Variants in KDM5A observed in about 807,000 individuals in gnomAD.
The protein encoded by KDM5A is lysine-specific demethylase 5A.
Under a neutral mutation model 193.5 loss-of-function variants are expected in KDM5A, and 42 were observed. The observed-to-expected ratio is 0.22, with a 90% CI of 0.17 to 0.28. The LOEUF is 0.28. Ranked by LOEUF, KDM5A falls within the 10% of genes least tolerant of loss-of-function variation. KDM5A has a pLI of 1.00. For synonymous variants in KDM5A, 796 were observed against 718.1 expected (o/e 1.11, Z -1.73); for missense variants, 1,692 against 2,055.1 (o/e 0.82, Z 3.42).
rs1354458329 is a variant in KDM5A, at chr12:284,874, A to C, written c.*582T>G. On this transcript the variant is annotated 3_prime_UTR_variant, in exon 28 of 28. Transcript: ENST00000399788. ...CTATTTGGGATGTTCTTCTAGCACA[A>C]ACAAGCACAAATCGCTGAGGTCAAT... The C allele has an allele frequency of 4.2e-6, 1 of 235,964 alleles. No individual in the cohort carries two copies. Among genetic ancestry groups the C allele is most frequent in the East Asian group, 6.0e-5 (1 of 16,652 alleles). The allele number at this position is 235,964 out of a possible 1,614,324, so 14.6% of individuals were successfully genotyped here.
chr12:367,466 C>T (rs996815000), intron 3 of KDM5A, among the ~76,000 whole-genome samples: 1 of 152,038 alleles, frequency 6.6e-6, no homozygotes, highest in East Asian at 1.9e-4. Flanking sequence ...GGAGGCAGAG[C>T]TGGGCAAATA....
chr12:298,938 A>G (rs111454322), intron 24 of KDM5A, among the ~76,000 whole-genome samples: 162 of 151,992 alleles, frequency 1.1e-3, no homozygotes, highest in African/African-American at 3.7e-3. Flanking sequence ...ATCAAGCAGA[A>G]GAAAGGATAT....
chr12:375,684 C>T (rs1470407178), intron 3 of KDM5A, among the ~76,000 whole-genome samples: 2 of 152,208 alleles, frequency 1.3e-5, no homozygotes, highest in Non-Finnish European at 2.9e-5. Flanking sequence ...AGTTTTTCTG[C>T]TCTGCTTTTT....
At chr12:292,239 T>G (rs954596012) in intron 27 of KDM5A, among the ~76,000 whole-genome samples, 1 of 152,206 alleles carries the variant, frequency 6.6e-6, no homozygotes, top group Non-Finnish European at 1.5e-5. Context: ...GAATTATTTG[T>G]TGCAAAAGAT....
At chr12:341,334 C>G (rs370285206) in intron 10 of KDM5A, among the ~76,000 whole-genome samples, 2 of 152,136 alleles carry the variant, frequency 1.3e-5, no homozygotes, top group East Asian at 3.9e-4. Context: ...TTGAACTGTT[C>G]CTATAAAAAC....
At chr12:331,745 A>C in intron 13 of KDM5A, 74 bp downstream of exon 13, 1 of 1,571,332 alleles carries the variant, frequency 6.4e-7, no homozygotes, top group South Asian at 1.1e-5. Context: ...AGCTAAGCAA[A>C]TATGGCAACT....
In KDM5A at chr12:280,299, A is replaced by G. The variant is rs996733617; in HGVS notation, c.*5157T>C. 4.3e-6 allele frequency: 1 copy of G among 233,082 alleles called. No individual in the cohort carries two copies. 14.4% of individuals were successfully genotyped at this position (233,082 alleles called of 1,614,324 possible). On this transcript the variant is annotated 3_prime_UTR_variant, in exon 28 of 28. Transcript: ENST00000399788. ...TCTGGATCTTCCATTTATTGGTATCAACCACAATAGCAAGACCCCCAAGAA... is the reference window on the plus strand; with the variant it reads ...TCTGGATCTTCCATTTATTGGTATCGACCACAATAGCAAGACCCCCAAGAA...
At chr12:374,379 A>C (rs914036959) in intron 3 of KDM5A, among the ~76,000 whole-genome samples, 8 of 152,128 alleles carry the variant, frequency 5.3e-5, no homozygotes, top group African/African-American at 1.9e-4. Context: ...CTGTTTTATC[A>C]GAGACTAGGA....
chr12:353,997 G>C, intron 8 of KDM5A, 79 bp downstream of exon 8: 1 of 1,039,142 alleles, frequency 9.6e-7, no homozygotes, highest in Middle Eastern at 2.1e-4. Flanking sequence ...ACATATTTGG[G>C]AATATGTTTA....
At chr12:385,678 GC>G (rs1944630419) in intron 2 of KDM5A, among the ~76,000 whole-genome samples, 1 of 152,186 alleles carries the variant, frequency 6.6e-6, no homozygotes, top group Non-Finnish European at 1.5e-5. Flanking sequence ...AGTCTCTGAA[GC>G]TAAGCATTGA....
intron 3 of KDM5A, among the ~76,000 whole-genome samples, chr12:370,055 T>C (rs1944406183): frequency 6.6e-6 from 1 of 152,188 alleles, no homozygotes; most frequent in African/African-American, 2.4e-5. Context: ...TAATACCTGT[T>C]TTTCTTTGGC....
rs1944353729 is a variant in KDM5A at position 366,050 on chromosome 12, T to C, written c.421A>G (p.Lys141Glu). Residue 141 changes from lysine to glutamate, a missense_variant, in exon 4 of 28, where the codon AAA becomes GAA. Around this residue, in one of 11 missense-constraint regions of KDM5A, gnomAD observed 120 missense variants for 172.0 expected, o/e 0.70. Coordinates refer to ENST00000399788, the MANE Select transcript of KDM5A (RefSeq NM_001042603.3). ...EMVTKEKKWS[K>E]VGSRLGYLPG... Reference sequence around the variant, plus strand: ...AGATATCCCAAGCGACTACCCACTTTAGACCATTTCTTCTCTTTGGTGACC... The same window carrying C: ...AGATATCCCAAGCGACTACCCACTTCAGACCATTTCTTCTCTTTGGTGACC... The C allele has an allele frequency of 3.1e-6, 5 of 1,613,978 alleles. No homozygotes were observed. The highest frequency in any genetic ancestry group is 3.4e-6 in the Non-Finnish European group (4 of 1,179,924).
At chr12:371,196 T>C (rs1279884821) in intron 3 of KDM5A, among the ~76,000 whole-genome samples, 4 of 152,342 alleles carry the variant, frequency 2.6e-5, no homozygotes, top group Non-Finnish European at 4.4e-5. Context: ...ACCACACTGT[T>C]TTCCACAATG....
Position 281,937 on chromosome 12 carries a change from G to A in KDM5A, c.*3519C>T, listed in dbSNP as rs551319923. The A allele has an allele frequency of 5.1e-4, 145 of 283,838 alleles. No homozygotes were observed. The highest frequency in any genetic ancestry group is 8.7e-4 in the Non-Finnish European group (125 of 144,102). 17.6% of individuals were successfully genotyped at this position (283,838 alleles called of 1,614,324 possible). A position where few individuals can be genotyped will look rare whatever the true frequency, so the allele number is the denominator to read the frequency against. ...TGTGGGCACCTGCTAGCACAGAAGC[G>A]CAGAAGCAAAGCCCAGGCAGAACCA... On this transcript the variant is annotated 3_prime_UTR_variant, in exon 28 of 28. Coordinates refer to ENST00000399788, the MANE Select transcript of KDM5A (RefSeq NM_001042603.3).
intron 10 of KDM5A, among the ~76,000 whole-genome samples, chr12:348,662 T>G (rs146957402): frequency 6.6e-6 from 1 of 151,048 alleles, no homozygotes; most frequent in Non-Finnish European, 1.5e-5. Context: ...ATCACAGGGA[T>G]AGAAAACCAA....
chr12:375,154 A>T (rs927759442), intron 3 of KDM5A, among the ~76,000 whole-genome samples: 13 of 152,276 alleles, frequency 8.5e-5, no homozygotes, highest in Non-Finnish European at 1.3e-4. Context: ...TCTCCTGGAT[A>T]ATATCCTGCA....
At position 295,693 on chromosome 12, in the gene KDM5A, C is replaced by G; in HGVS notation, c.4335G>C (p.Leu1445=). The stretch of plus-strand genomic sequence containing the variant: ...GATCTCCAACCATCATAAGTTCTTC[C>G]AGTTGTGCCTTAGCTCCAGGTGACA... ...LELSPGAKAQ[L]EELMMVGDLL... is the part of the protein sequence containing the mutation. The change falls in exon 26 of 28, where the codon CTG becomes CTC. Residue 1445 remains leucine (L), a synonymous_variant. Coordinates refer to ENST00000399788, the MANE Select transcript of KDM5A (RefSeq NM_001042603.3). 6.2e-7 allele frequency: 1 copy of G among 1,614,124 alleles called. No individual in the cohort carries two copies. Among genetic ancestry groups the G allele is most frequent in the Non-Finnish European group, 8.5e-7 (1 of 1,179,996 alleles).
At chr12:287,308 A>G (rs1943230917) in intron 27 of KDM5A, among the ~76,000 whole-genome samples, 1 of 152,174 alleles carries the variant, frequency 6.6e-6, no homozygotes, top group African/African-American at 2.4e-5. Context: ...TCAGCTCCCA[A>G]GTGATTCTCA....
chr12:384,297 C>A lies in KDM5A; in HGVS notation c.244-144G>T, dbSNP rs542014812. 40 of 687,992 alleles carry A rather than the reference C, an allele frequency of 5.8e-5. No homozygotes were observed. The African/African-American group carries it at 6.4e-4, about 11-fold the overall frequency. The allele number at this position is 687,992 out of a possible 1,614,324, so 42.6% of individuals were successfully genotyped here. A position where few individuals can be genotyped will look rare whatever the true frequency, so the allele number is the denominator to read the frequency against. ...CAGCCACACAGCAGGAGGTGAGCAGCGGCAGTGGGCAACCAACCGGGCAAG... is the reference window on the plus strand; with the variant it reads ...CAGCCACACAGCAGGAGGTGAGCAGAGGCAGTGGGCAACCAACCGGGCAAG... On this transcript the variant is annotated intron_variant, in intron 2 of 27. Transcript: ENST00000399788.
Sources: allele counts gnomAD v4.1 joint callset (sites outside exome capture counted in the v4.1 genomes callset), GRCh38; gene constraint gnomAD v4.1.1; regional missense constraint gnomAD v4.1.1; transcripts MANE v1.5; gene names NCBI Gene and HGNC (gene_info 2026-07-23, HGNC 2026-07-21).